Variants in GOSR2 observed in about 807,000 individuals in gnomAD.
GOSR2 encodes the protein golgi SNAP receptor complex member 2, also known as 27 kDa Golgi SNARE protein.
In GOSR2, 20 loss-of-function variants were observed where a neutral mutation model predicts 27.9. That is an observed-to-expected ratio of 0.72 (90% CI 0.50 to 1.04). GOSR2 has a LOEUF of 1.04. Among genes scored for constraint, GOSR2 ranks in the 50% least tolerant of loss-of-function variants. GOSR2 has a pLI of 0.00. For missense variants in GOSR2, 261 were observed against 270.5 expected (o/e 0.97, Z 0.25); for synonymous variants, 91 against 98.8 (o/e 0.92, Z 0.47).
intron 3 of GOSR2, 61 bp from the exon 4 acceptor site, chr17:46,932,005 GC>G: frequency 6.7e-7 from 1 of 1,490,230 alleles, no homozygotes; most frequent in South Asian, 1.1e-5. Context: ...ACAAAGCCTG[GC>G]CCCCTCAGAT....
downstream of GOSR2, among the ~76,000 whole-genome samples, chr17:46,968,483 T>C (rs1301728871): frequency 6.6e-6 from 1 of 152,206 alleles, no homozygotes; most frequent in African/African-American, 2.4e-5. Flanking sequence ...ATCACCATCA[T>C]AACACCCTCC....
chr17:46,931,013 A>G, intron 2 of GOSR2, 86 bp from the exon 3 acceptor site: 1 of 790,146 alleles, frequency 1.3e-6, no homozygotes, highest in South Asian at 1.4e-5. Flanking sequence ...TTTATTGGAT[A>G]TTGAAAAAAA....
At chr17:46,949,248 T>C in intron 6 of GOSR2, 1 of 152,222 alleles carries the variant, frequency 6.6e-6, no homozygotes, top group East Asian at 1.9e-4. Context: ...GGGCACACAA[T>C]GTCGCTGAGC....
At chr17:46,965,972 G>T (rs1387335627) in intron 6 of GOSR2, among the ~76,000 whole-genome samples, 1 of 151,950 alleles carries the variant, frequency 6.6e-6, no homozygotes, top group African/African-American at 2.4e-5. Flanking sequence ...TTATAATGAT[G>T]CAGGGCTGGA....
rs1242058853 is a variant in GOSR2, at chr17:46,929,566, G to C, written c.76G>C (p.Asp26His). 6.5e-7 allele frequency: 1 copy of C among 1,542,812 alleles called. No homozygotes were observed. Among genetic ancestry groups the C allele is most frequent in the East Asian group, 2.2e-5 (1 of 44,562 alleles). The change falls in exon 2 of 6, where the codon GAC becomes CAC. Residue 26 changes from aspartate (D) to histidine (H), a missense_variant. Asp to His is a moderately conservative substitution (Grantham distance 81, BLOSUM62 -1). Coordinates refer to ENST00000640051, the MANE Select transcript of GOSR2 (RefSeq NM_004287.5). Reference sequence around the variant, plus strand: ...TTGCATGGGACGCCTGGAGACGGCAGACAAGCAGTCTGTGCACAGTGAGTA... The same window carrying C: ...TTGCATGGGACGCCTGGAGACGGCACACAAGCAGTCTGTGCACAGTGAGTA... Reference protein sequence around the residue: ...QSCMGRLETADKQSVHIVENE... With the variant: ...QSCMGRLETAHKQSVHIVENE...
In GOSR2 at chr17:46,941,948, T is replaced by A. The variant is rs2089335151; in HGVS notation, c.*3188T>A. 1 of 985,282 alleles carries A rather than the reference T, an allele frequency of 1.0e-6. No homozygotes were observed. The allele number at this position is 985,282 out of a possible 1,614,324, so 61.0% of individuals were successfully genotyped here. ...GTCTCCTAGACAGAAAGCTTCTGTC[T>A]CAAAGATGATCACATTGGTGTAAAG... is the stretch of plus-strand genomic sequence containing the variant. On this transcript the variant is annotated 3_prime_UTR_variant, in exon 6 of 6. Coordinates refer to ENST00000640051, the MANE Select transcript of GOSR2 (RefSeq NM_004287.5).
rs1476809349 is a variant in GOSR2 at position 46,938,832 on chromosome 17, G to T, written c.*72G>T. 1.5e-5 allele frequency: 24 copies of T among 1,608,512 alleles called. No homozygotes were observed. The Admixed American group carries it at 3.0e-4, about 20-fold the overall frequency. ...GTGTGTGTGTGTGAAAGAGAGAGGG[G>T]GGCCCAGAGGCCGCCTTTTGAAATG... is the stretch of plus-strand genomic sequence containing the variant. On this transcript the variant is annotated 3_prime_UTR_variant, in exon 6 of 6. Coordinates refer to ENST00000640051, the MANE Select transcript of GOSR2 (RefSeq NM_004287.5).
chr17:46,962,352 A>G (rs2091108940), intron 6 of GOSR2, among the ~76,000 whole-genome samples: 1 of 150,676 alleles, frequency 6.6e-6, no homozygotes, highest in Non-Finnish European at 1.5e-5. Context: ...AGTATTGATC[A>G]GTGTAGTAGT....
chr17:46,958,240 T>A (rs1294442439), intron 6 of GOSR2, among the ~76,000 whole-genome samples: 1 of 152,102 alleles, frequency 6.6e-6, no homozygotes, highest in African/African-American at 2.4e-5. Flanking sequence ...AGTGGAGCCG[T>A]CAACCTTCAC....
chr17:46,939,423 TG>T lies in GOSR2; in HGVS notation c.*664del, dbSNP rs1466876435. The T allele has an allele frequency of 1.0e-6, 1 of 993,262 alleles. No individual in the cohort carries two copies. Among genetic ancestry groups the T allele is most frequent in the Non-Finnish European group, 1.2e-6 (1 of 833,636 alleles). The allele number at this position is 993,262 out of a possible 1,614,324, so 61.5% of individuals were successfully genotyped here. A position where few individuals can be genotyped will look rare whatever the true frequency, so the allele number is the denominator to read the frequency against. ...TTTCTCTTTTCTAAAGTGAGGCCAG[TG>T]TTATTTCCCGGGAGTGTTCAGTCTT... is the stretch of plus-strand genomic sequence containing the variant. On this transcript the variant is annotated 3_prime_UTR_variant, in exon 6 of 6. Transcript: ENST00000640051.
At chr17:46,936,365 C>T in intron 5 of GOSR2, 1 of 985,396 alleles carries the variant, frequency 1.0e-6, no homozygotes, top group African/African-American at 1.7e-5. Context: ...CCACTCAAGT[C>T]TGGCAGCGCT....
Position 46,940,099 on chromosome 17 carries a change from T to A in GOSR2, c.*1339T>A. The A allele has an allele frequency of 1.7e-6, 2 of 1,158,336 alleles. No homozygotes were observed. Among genetic ancestry groups the A allele is most frequent in the South Asian group, 5.3e-5 (2 of 37,576 alleles). 71.8% of individuals were successfully genotyped at this position (1,158,336 alleles called of 1,614,324 possible). On this transcript the variant is annotated 3_prime_UTR_variant, in exon 6 of 6. Transcript: ENST00000640051. ...CTGTCTTCTGTCTTATTTCCCTTCC[T>A]TTCTGTGTTCCTCTTCACCTCTCTT...
chr17:46,941,981 C>T lies in GOSR2; in HGVS notation c.*3221C>T, dbSNP rs1039840325. The T allele has an allele frequency of 1.0e-5, 10 of 982,782 alleles. No homozygotes were observed. Among genetic ancestry groups the T allele is most frequent in the Non-Finnish European group, 1.2e-5 (10 of 827,698 alleles). The allele number at this position is 982,782 out of a possible 1,614,324, so 60.9% of individuals were successfully genotyped here. A position where few individuals can be genotyped will look rare whatever the true frequency, so the allele number is the denominator to read the frequency against. On this transcript the variant is annotated 3_prime_UTR_variant, in exon 6 of 6. Transcript: ENST00000640051. ...GATCACATTGGTGTAAAGAGCAAAACTTGTTAAGTCCAAAATAAATTCTTA... is the reference window on the plus strand; with the variant it reads ...GATCACATTGGTGTAAAGAGCAAAATTTGTTAAGTCCAAAATAAATTCTTA...
chr17:46,927,664 G>T (rs1391060320), intron 1 of GOSR2, among the ~76,000 whole-genome samples: 3 of 152,114 alleles, frequency 2.0e-5, no homozygotes, highest in Admixed American at 6.5e-5. Flanking sequence ...ATAACGTGGG[G>T]CTGTGTCTAG....
intron 6 of GOSR2, among the ~76,000 whole-genome samples, chr17:46,973,767 C>T (rs1354041695): frequency 3.3e-5 from 5 of 152,148 alleles, no homozygotes. Flanking sequence ...AGAGATACTA[C>T]TCGGAAATCC....
rs758885350 is a variant in GOSR2, at chr17:46,940,533, G to T, written c.*1773G>T. 1.9e-6 allele frequency: 3 copies of T among 1,614,054 alleles called. No individual in the cohort carries two copies. In the Admixed American group the frequency reaches 5.0e-5, roughly 27 times the overall value. On this transcript the variant is annotated 3_prime_UTR_variant, in exon 6 of 6. Coordinates refer to ENST00000640051, the MANE Select transcript of GOSR2 (RefSeq NM_004287.5). ...TAAAATGGATTCTGAGACTGCGACG[G>T]CAAGGCTGTCCTGTCCCCCAGGCAC...
At position 46,966,608 on chromosome 17, in the gene GOSR2, C is replaced by T. The variant is rs986523780; in HGVS notation, c.658C>T (p.Arg220Ter). ...AAGAGATCCTCCTGCATCAGCCTCC[C>T]GAAGTGCTGGGATTATAGGTATGAG... Residue 220 changes from arginine to a stop codon, truncating the protein, a stop_gained, in exon 7 of 7, where the codon CGA becomes TGA. Transcript: ENST00000573224. LOFTEE classifies it high-confidence loss of function. The T allele has an allele frequency of 1.2e-5, 8 of 687,206 alleles. No homozygotes were observed. Among genetic ancestry groups the T allele is most frequent in the African/African-American group, 7.1e-5 (4 of 56,726 alleles). 42.6% of individuals were successfully genotyped at this position (687,206 alleles called of 1,614,324 possible). A position where few individuals can be genotyped will look rare whatever the true frequency, so the allele number is the denominator to read the frequency against.
chr17:46,961,038 A>G (rs1219520078), intron 6 of GOSR2, among the ~76,000 whole-genome samples: 1 of 152,180 alleles, frequency 6.6e-6, no homozygotes, highest in African/African-American at 2.4e-5. Flanking sequence ...GTTTAAAAAA[A>G]ACAAGGTGGG....
chr17:46,950,549 G>T (rs1284365898), intron 6 of GOSR2, among the ~76,000 whole-genome samples: 2 of 152,232 alleles, frequency 1.3e-5, no homozygotes, highest in Admixed American at 6.5e-5. Context: ...GGACCAGGCA[G>T]CTTATTAGGC....
Sources: allele counts gnomAD v4.1 joint callset (sites outside exome capture counted in the v4.1 genomes callset), GRCh38; gene constraint gnomAD v4.1.1; transcripts MANE v1.5; gene names NCBI Gene and HGNC (gene_info 2026-07-23, HGNC 2026-07-21).